Variants in MDGA2 observed in about 807,000 individuals in gnomAD.
MDGA2 encodes the protein MAM domain-containing glycosylphosphatidylinositol anchor protein 2.
A neutral mutation model predicts 117.8 loss-of-function variants in MDGA2; 40 were observed. That is an observed-to-expected ratio of 0.34 (90% CI 0.26 to 0.44). The LOEUF (loss-of-function observed/expected upper bound fraction) is 0.44, where lower values mean the gene tolerates loss of function less well. Ranked by LOEUF, MDGA2 falls within the 20% of genes least tolerant of loss-of-function variation. The pLI is 1.00. For synonymous variants in MDGA2, 452 were observed against 439.0 expected (o/e 1.03, Z -0.37); for missense variants, 1,123 against 1,250.6 (o/e 0.90, Z 1.54).
chr14:47,625,526 A>G (rs1897124920), intron 1 of MDGA2, among the ~76,000 whole-genome samples: 1 of 152,222 alleles, frequency 6.6e-6, no homozygotes, highest in South Asian at 2.1e-4. Flanking sequence ...GTGGTTTCCA[A>G]CTATCAAAAT....
At chr14:46,965,336 T>C (rs1885985077) in intron 8 of MDGA2, among the ~76,000 whole-genome samples, 1 of 152,176 alleles carries the variant, frequency 6.6e-6, no homozygotes, top group Non-Finnish European at 1.5e-5. Context: ...ATGAATGTCA[T>C]TTGCCCACAC....
chr14:47,453,611 C>T (rs1334211522), intron 1 of MDGA2, among the ~76,000 whole-genome samples: 2 of 152,054 alleles, frequency 1.3e-5, no homozygotes, highest in East Asian at 1.9e-4. Flanking sequence ...AACTCTAATC[C>T]TCATCTATGA....
In MDGA2 at chr14:47,181,612, G is replaced by C. The variant is rs183251139; in HGVS notation, c.595+36409C>G. Among the ~76,000 whole-genome samples, 83 of 151,942 alleles carry C rather than the reference G, an allele frequency of 5.5e-4. 1 individual carries two copies. In the East Asian group the frequency reaches 0.015, roughly 28 times the overall value. ...TAGCTTGTGATTTTTTAGAAACAAG[G>C]GTTTACTACTTCTCACTTCAGATTC... On this transcript the variant is annotated intron_variant, in intron 3 of 16. Transcript: ENST00000399232.
At chr14:47,005,218 A>G (rs1386202932) in intron 8 of MDGA2, among the ~76,000 whole-genome samples, 2 of 151,676 alleles carry the variant, frequency 1.3e-5, no homozygotes, top group Non-Finnish European at 3.0e-5. Flanking sequence ...ATAGAATATG[A>G]TGTTAACTAG....
At chr14:47,103,460 C>T (rs1285727219) in intron 5 of MDGA2, among the ~76,000 whole-genome samples, 1 of 152,192 alleles carries the variant, frequency 6.6e-6, no homozygotes, top group African/African-American at 2.4e-5. Flanking sequence ...TACTATCCTT[C>T]ACATATTGAT....
At chr14:47,554,681 GTC>G (rs1895650994) in intron 1 of MDGA2, among the ~76,000 whole-genome samples, 1 of 152,104 alleles carries the variant, frequency 6.6e-6, no homozygotes, top group African/African-American at 2.4e-5. Flanking sequence ...TCACCTAAGA[GTC>G]TCTGGTTGAG....
At chr14:47,254,365 A>T (rs1887549019) in intron 2 of MDGA2, among the ~76,000 whole-genome samples, 1 of 152,130 alleles carries the variant, frequency 6.6e-6, no homozygotes, top group Non-Finnish European at 1.5e-5. Context: ...CTTCCACCAG[A>T]TACCCTAAAT....
At chr14:47,419,260 G>GTCCTCA (rs1156504505) in intron 1 of MDGA2, among the ~76,000 whole-genome samples, 1 of 151,978 alleles carries the variant, frequency 6.6e-6, no homozygotes, top group Non-Finnish European at 1.5e-5. Flanking sequence ...TAATCAGACT[G>GTCCTCA]TCCTCATTTT....
chr14:47,298,648 A>C (rs1328433372), intron 2 of MDGA2, among the ~76,000 whole-genome samples: 1 of 147,368 alleles, frequency 6.8e-6, no homozygotes, highest in Non-Finnish European at 1.5e-5. Context: ...TTCCTTATAC[A>C]GTTTGTTGAC....
At chr14:47,279,661 A>T (rs200849207) in intron 2 of MDGA2, among the ~76,000 whole-genome samples, 22,086 of 151,672 alleles carry the variant, frequency 0.15, 1,791 homozygotes, top group South Asian at 0.21. Context: ...TTTTTTTTAA[A>T]AAAAAATCAT....
chr14:47,411,335 T>C (rs999847506), intron 1 of MDGA2, among the ~76,000 whole-genome samples: 2 of 152,052 alleles, frequency 1.3e-5, no homozygotes, highest in African/African-American at 4.8e-5. Context: ...GAAAGAAAAC[T>C]AAGGCATGTA....
At chr14:47,642,748 A>C (rs1236389046) in intron 1 of MDGA2, among the ~76,000 whole-genome samples, 1 of 152,102 alleles carries the variant, frequency 6.6e-6, no homozygotes, top group Non-Finnish European at 1.5e-5. Context: ...ACTTCTGTTA[A>C]CTAAAAAAGG....
chr14:47,197,846 T>A (rs572737788), intron 3 of MDGA2, among the ~76,000 whole-genome samples: 2 of 152,094 alleles, frequency 1.3e-5, no homozygotes, highest in Admixed American at 1.3e-4. Context: ...GATGCAGAGG[T>A]TGCAGTGAGC....
intron 7 of MDGA2, among the ~76,000 whole-genome samples, chr14:47,057,743 C>T (rs377132591): frequency 1.4e-4 from 21 of 149,136 alleles, no homozygotes; most frequent in East Asian, 6.3e-4. Flanking sequence ...CTGCCCTGCC[C>T]TGCCTTGCCT....
At chr14:47,040,796 G>A (rs183079097) in intron 7 of MDGA2, among the ~76,000 whole-genome samples, 2 of 152,240 alleles carry the variant, frequency 1.3e-5, no homozygotes, top group South Asian at 4.1e-4. Context: ...CTGTCCTTGT[G>A]ACTTTGTCCT....
intron 3 of MDGA2, among the ~76,000 whole-genome samples, chr14:47,160,329 T>G (rs536496234): frequency 1.4e-4 from 22 of 152,300 alleles, no homozygotes; most frequent in African/African-American, 5.1e-4. Flanking sequence ...TTCGGGCTTT[T>G]TTGGTTATTC....
At chr14:47,508,917 C>T (rs1489236361) in intron 1 of MDGA2, among the ~76,000 whole-genome samples, 1 of 152,118 alleles carries the variant, frequency 6.6e-6, no homozygotes, top group Non-Finnish European at 1.5e-5. Flanking sequence ...GTCTCGATCT[C>T]CTGACCTCGT....
intron 8 of MDGA2, among the ~76,000 whole-genome samples, chr14:47,029,356 T>C (rs61992816): frequency 0.026 from 3,985 of 152,272 alleles, 72 homozygotes; most frequent in Middle Eastern, 0.041. Flanking sequence ...GATTATTTTC[T>C]TTCATAATTT....
At chr14:47,648,041 T>C (rs553809434) in intron 1 of MDGA2, among the ~76,000 whole-genome samples, 14 of 152,254 alleles carry the variant, frequency 9.2e-5, no homozygotes, top group African/African-American at 2.2e-4. Flanking sequence ...CAATAAACTA[T>C]GACTAACCAC....
Sources: allele counts gnomAD v4.1 joint callset (sites outside exome capture counted in the v4.1 genomes callset), GRCh38; gene constraint gnomAD v4.1.1; transcripts MANE v1.5; gene names NCBI Gene and HGNC (gene_info 2026-07-23, HGNC 2026-07-21).